The following C8orf34 variants were observed in gnomAD, a reference collection of about 807,000 sequenced individuals.
C8orf34 encodes uncharacterized protein C8orf34.
In C8orf34, 65 loss-of-function variants were observed where a neutral mutation model predicts 68.3. The observed-to-expected ratio is 0.95, with a 90% CI of 0.78 to 1.17. The LOEUF (loss-of-function observed/expected upper bound fraction) is 1.17. Ranked by LOEUF, C8orf34 falls within the 50% of genes most tolerant of loss-of-function variation. The pLI, the probability that C8orf34 is intolerant of heterozygous loss-of-function variation, is 0.00. For missense variants in C8orf34, 664 were observed against 655.4 expected (o/e 1.01, Z -0.14); for synonymous variants, 244 against 241.2 (o/e 1.01, Z -0.11).
chr8:68,771,093 A>C (rs1325779599), intron 10 of C8orf34, among the ~76,000 whole-genome samples: 1 of 152,176 alleles, frequency 6.6e-6, no homozygotes. Flanking sequence ...AAAGCATTGG[A>C]GGTAACTAAA....
Position 68,465,202 on chromosome 8 carries a change from G to T in C8orf34, c.608-3490G>T, listed in dbSNP as rs190835498. ...GCAGCCAAAAAACACATGAAAAAAT[G>T]CTCACCATCACTGGCCATCAGAGAA... is the stretch of plus-strand genomic sequence containing the variant. On this transcript the variant is annotated intron_variant, in intron 3 of 13. Coordinates refer to ENST00000518698, the MANE Select transcript of C8orf34 (RefSeq NM_052958.4). Among the ~76,000 whole-genome samples, 155 of 152,198 alleles carry T rather than the reference G, an allele frequency of 1.0e-3. 1 individual carries two copies. In the Middle Eastern group the frequency reaches 0.031, roughly 30 times the overall value.
At chr8:68,815,793 T>C in intron 12 of C8orf34, 93 bp from the exon 13 acceptor site, 3 of 1,603,544 alleles carry the variant, frequency 1.9e-6, no homozygotes, top group Non-Finnish European at 8.5e-7. Context: ...TCAATTAATC[T>C]TCACTAGAAA....
At chr8:68,558,862 C>A (rs535028817) in intron 7 of C8orf34, among the ~76,000 whole-genome samples, 1 of 151,572 alleles carries the variant, frequency 6.6e-6, no homozygotes, top group Non-Finnish European at 1.5e-5. Flanking sequence ...AGACAAGAAA[C>A]AAAGAAGAAA....
chr8:68,502,632 C>A (rs2129632673), intron 5 of C8orf34, among the ~76,000 whole-genome samples: 1 of 152,158 alleles, frequency 6.6e-6, no homozygotes, highest in South Asian at 2.1e-4. Flanking sequence ...AACATTTGAT[C>A]TGCTTTTCCT....
chr8:68,446,155 A>G (rs1204654810), intron 2 of C8orf34, among the ~76,000 whole-genome samples, 174 bp from the exon 3 acceptor site: 1 of 152,210 alleles, frequency 6.6e-6, no homozygotes, highest in East Asian at 1.9e-4. Context: ...ATCAGATTTA[A>G]AAGTCTAATT....
intron 3 of C8orf34, among the ~76,000 whole-genome samples, chr8:68,460,401 A>T (rs975819634): frequency 1.8e-4 from 28 of 152,206 alleles, no homozygotes; most frequent in Non-Finnish European, 3.7e-4. Context: ...ACCTCTGCAG[A>T]CTTAAATATC....
chr8:68,336,646 C>T (rs1350507873), intron 1 of C8orf34, among the ~76,000 whole-genome samples: 2 of 152,122 alleles, frequency 1.3e-5, no homozygotes, highest in Non-Finnish European at 2.9e-5. Flanking sequence ...CCAACTCTGT[C>T]TACTGGAAGG....
intron 7 of C8orf34, among the ~76,000 whole-genome samples, chr8:68,595,035 T>C (rs1817502982): frequency 6.6e-6 from 1 of 151,742 alleles, no homozygotes; most frequent in Non-Finnish European, 1.5e-5. Context: ...TTTTGCTTGC[T>C]CTCGCTCCCC....
intron 3 of C8orf34, among the ~76,000 whole-genome samples, chr8:68,465,989 T>TA (rs1417685083): frequency 6.7e-6 from 1 of 148,518 alleles, no homozygotes; most frequent in Non-Finnish European, 1.5e-5. Context: ...GAAATTCTAA[T>TA]AAAAAAAGAA....
At chr8:68,396,179 T>G (rs781385897) in intron 1 of C8orf34, among the ~76,000 whole-genome samples, 1 of 152,044 alleles carries the variant, frequency 6.6e-6, no homozygotes, top group Non-Finnish European at 1.5e-5. Context: ...AAGACATATT[T>G]TATTCATCCT....
chr8:68,680,585 A>G (rs886945963), intron 8 of C8orf34, among the ~76,000 whole-genome samples: 2 of 152,152 alleles, frequency 1.3e-5, no homozygotes, highest in African/African-American at 4.8e-5. Context: ...TCAAAAGGCA[A>G]AAAGCAGAAC....
intron 8 of C8orf34, among the ~76,000 whole-genome samples, chr8:68,674,265 A>G (rs1820110763): frequency 6.6e-6 from 1 of 152,186 alleles, no homozygotes; most frequent in African/African-American, 2.4e-5. Flanking sequence ...AAGCATCAAG[A>G]CCATCCAGAA....
At chr8:68,640,921 G>A (rs1427433135) in intron 8 of C8orf34, among the ~76,000 whole-genome samples, 2 of 152,128 alleles carry the variant, frequency 1.3e-5, no homozygotes, top group Non-Finnish European at 2.9e-5. Context: ...CCCTTATCCT[G>A]TTCACCTCCT....
At chr8:68,603,710 A>G (rs1208879421) in intron 7 of C8orf34, among the ~76,000 whole-genome samples, 4 of 152,092 alleles carry the variant, frequency 2.6e-5, no homozygotes, top group Admixed American at 2.6e-4. Flanking sequence ...TAATCTGTGG[A>G]CGAAAAAAAC....
intron 10 of C8orf34, among the ~76,000 whole-genome samples, chr8:68,764,647 A>G (rs1455795750): frequency 2.0e-5 from 3 of 152,192 alleles, no homozygotes; most frequent in Non-Finnish European, 4.4e-5. Flanking sequence ...GAGGAAAGGA[A>G]TGCCAAAGGT....
At chr8:68,454,950 A>ATT (rs199713676) in intron 3 of C8orf34, among the ~76,000 whole-genome samples, 1 of 150,514 alleles carries the variant, frequency 6.6e-6, no homozygotes, top group Non-Finnish European at 1.5e-5. Flanking sequence ...TTGTTTTCAT[A>ATT]TTTTTTTTTG....
At chr8:68,760,155 C>T (rs540079473) in intron 10 of C8orf34, among the ~76,000 whole-genome samples, 24 of 152,148 alleles carry the variant, frequency 1.6e-4, no homozygotes, top group Admixed American at 5.9e-4. Context: ...ACAACACAGG[C>T]GGAGGACAGC....
At chr8:68,556,224 A>G (rs1035308949) in intron 7 of C8orf34, among the ~76,000 whole-genome samples, 1 of 151,434 alleles carries the variant, frequency 6.6e-6, no homozygotes, top group Admixed American at 6.6e-5. Flanking sequence ...ATTTATCTCA[A>G]TCTCTATCTA....
intron 7 of C8orf34, among the ~76,000 whole-genome samples, chr8:68,605,503 C>T (rs937339635): frequency 7.1e-6 from 1 of 140,448 alleles, no homozygotes; most frequent in East Asian, 2.0e-4. Flanking sequence ...TATGGTGCAG[C>T]CATGAAACTG....
Sources: gnomAD v4.1 joint callset for allele counts (sites outside exome capture counted in the v4.1 genomes callset) on GRCh38, gnomAD v4.1.1 for gene constraint, MANE v1.5 for transcripts, NCBI Gene and HGNC (gene_info 2026-07-23, HGNC 2026-07-21) for gene names.